KIF25: variants seen among roughly 807,000 people sequenced by gnomAD.
KIF25 encodes kinesin family member 25, also known as kinesin-like protein KIF25.
KIF25 carries 19 observed loss-of-function variants against 32.9 expected under a neutral mutation model. The ratio of observed to expected loss-of-function variants is 0.58; its 90% CI spans 0.40 to 0.85. The LOEUF (loss-of-function observed/expected upper bound fraction) is 0.85, where lower values mean the gene tolerates loss of function less well. KIF25 is among the 40% of genes least tolerant of loss of function. The pLI, the probability that KIF25 is intolerant of heterozygous loss-of-function variation, is 0.00. For missense variants in KIF25, 485 were observed against 507.0 expected (o/e 0.96, Z 0.42); for synonymous variants, 225 against 213.7 (o/e 1.05, Z -0.46).
At chr6:168,035,482 T>TGCGG (rs1562390567) in intron 8 of KIF25, among the ~76,000 whole-genome samples, 3 of 142,342 alleles carry the variant, frequency 2.1e-5, no homozygotes, top group Non-Finnish European at 4.6e-5. Context: ...GGAACGGTGC[T>TGCGG]GAGGTGGTGG....
intron 5 of KIF25, among the ~76,000 whole-genome samples, chr6:168,028,587 A>G (rs1317422676): frequency 2.5e-5 from 2 of 80,300 alleles, no homozygotes; most frequent in African/African-American, 8.7e-5. Flanking sequence ...TATTTTGCCA[A>G]AAAAAATTGT....
intron 4 of KIF25, among the ~76,000 whole-genome samples, chr6:168,013,550 G>T (rs1024494879): frequency 5.3e-5 from 8 of 152,114 alleles, no homozygotes; most frequent in African/African-American, 1.9e-4. Flanking sequence ...TGGCTGGGGG[G>T]TGAGCAGTGC....
intron 4 of KIF25, among the ~76,000 whole-genome samples, chr6:168,011,348 A>G (rs1031537090): frequency 6.6e-6 from 1 of 152,184 alleles, no homozygotes; most frequent in African/African-American, 2.4e-5. Flanking sequence ...TTCCACATGT[A>G]AGACACCCTT....
intron 4 of KIF25, among the ~76,000 whole-genome samples, chr6:168,012,912 G>A (rs762259365): frequency 6.6e-5 from 10 of 151,620 alleles, no homozygotes; most frequent in Non-Finnish European, 1.5e-4. Flanking sequence ...TGGCTGTTTC[G>A]TGGGTTTGGA....
intron 10 of KIF25, among the ~76,000 whole-genome samples, chr6:168,041,478 G>A (rs1382628284): frequency 5.9e-5 from 9 of 152,332 alleles, no homozygotes; most frequent in Admixed American, 2.0e-4. Context: ...AAAAAAAATT[G>A]TGTATACTTT....
At chr6:168,043,648 T>C (rs1301098787) in intron 12 of KIF25, among the ~76,000 whole-genome samples, 1 of 152,220 alleles carries the variant, frequency 6.6e-6, no homozygotes, top group Non-Finnish European at 1.5e-5. Context: ...ATTCCAAAGT[T>C]CGCAGCCCCA....
chr6:168,038,230 A>G (rs1161282396), intron 8 of KIF25, among the ~76,000 whole-genome samples: 1 of 152,214 alleles, frequency 6.6e-6, no homozygotes, highest in Non-Finnish European at 1.5e-5. Context: ...TCAATGGGGC[A>G]TGGTAATTTC....
At position 168,042,544 on chromosome 6, in the gene KIF25, G is replaced by T. The variant is rs199617561; in HGVS notation, c.830-17G>T. 1 of 1,607,478 alleles carries T rather than the reference G, an allele frequency of 6.2e-7. No individual in the cohort carries two copies. Among genetic ancestry groups the T allele is most frequent in the Non-Finnish European group, 8.5e-7 (1 of 1,176,154 alleles). Reference sequence around the variant, plus strand: ...TTCTTGGTGCAAACGGTGATGGTGCGTGGCGGTCCTGTCCAGGTGTGTCTG... The same window carrying T: ...TTCTTGGTGCAAACGGTGATGGTGCTTGGCGGTCCTGTCCAGGTGTGTCTG... On this transcript the variant is annotated splice_polypyrimidine_tract_variant and intron_variant, in intron 11 of 12. Coordinates refer to ENST00000643607, the MANE Select transcript of KIF25 (RefSeq NM_030615.4).
intron 2 of KIF25, among the ~76,000 whole-genome samples, chr6:168,002,152 G>A (rs2636350): frequency 9.8e-5 from 8 of 82,014 alleles, no homozygotes; most frequent in East Asian, 3.8e-4. Flanking sequence ...CACCTGAGGC[G>A]TGGCCTCGGG....
At chr6:168,016,733 A>C (rs1256202799) in intron 4 of KIF25, among the ~76,000 whole-genome samples, 1 of 152,242 alleles carries the variant, frequency 6.6e-6, no homozygotes, top group African/African-American at 2.4e-5. Context: ...CTACAGCAAC[A>C]ACATAAAGGA....
intron 12 of KIF25, among the ~76,000 whole-genome samples, chr6:168,042,938 T>A (rs1170237357): frequency 1.3e-5 from 2 of 152,172 alleles, no homozygotes; most frequent in Non-Finnish European, 2.9e-5. Flanking sequence ...GTGACTTGCC[T>A]CCTGGTTGGG....
intron 4 of KIF25, among the ~76,000 whole-genome samples, chr6:168,016,917 G>T (rs12198634): frequency 8.5e-5 from 13 of 152,300 alleles, no homozygotes. Flanking sequence ...CTGGCGTTCC[G>T]TCATTGCTTC....
chr6:168,035,516 C>T (rs1583143251), intron 8 of KIF25, among the ~76,000 whole-genome samples: 1 of 29,558 alleles, frequency 3.4e-5, no homozygotes, highest in African/African-American at 1.5e-4. Context: ...GCGGAGGAGG[C>T]GGGAACTGAG....
At chr6:168,014,005 A>ATC (rs1027780378) in intron 4 of KIF25, among the ~76,000 whole-genome samples, 2 of 151,336 alleles carry the variant, frequency 1.3e-5, no homozygotes, top group Non-Finnish European at 2.9e-5. Context: ...ATGCAAATAT[A>ATC]TATATATATA....
intron 8 of KIF25, chr6:168,035,716 C>T: frequency 4.4e-6 from 2 of 456,120 alleles, no homozygotes; most frequent in South Asian, 3.1e-5. Context: ...TGTTCTGAGT[C>T]TCGGGTGCTG....
At position 167,998,339 on chromosome 6, in the gene KIF25, G is replaced by T. The variant is rs1022923531; in HGVS notation, c.-1130G>T. ...GCCCATGGAGAATATGCAGGCAGAG[G>T]CTGATCCCAGCTTCTGTGGGTTCAT... is the stretch of plus-strand genomic sequence containing the variant. On this transcript the variant is annotated 5_prime_UTR_variant, in exon 1 of 13. Coordinates refer to ENST00000643607, the MANE Select transcript of KIF25 (RefSeq NM_030615.4). The T allele has an allele frequency of 6.6e-6, 1 of 152,210 alleles. No homozygotes were observed. Among genetic ancestry groups the T allele is most frequent in the African/African-American group, 2.4e-5 (1 of 41,450 alleles). The allele number at this position is 152,210 out of a possible 1,614,324, so 9.4% of individuals were successfully genotyped here. A position where few individuals can be genotyped will look rare whatever the true frequency, so the allele number is the denominator to read the frequency against.
intron 5 of KIF25, among the ~76,000 whole-genome samples, chr6:168,025,049 T>A (rs1040726544): frequency 2.6e-5 from 4 of 152,018 alleles, no homozygotes; most frequent in African/African-American, 9.7e-5. Flanking sequence ...AGATTCTGTC[T>A]TCAAAAAAAC....
At chr6:168,002,505 A>G (rs1037288368) in intron 2 of KIF25, 38 bp from the exon 3 acceptor site, 2 of 152,266 alleles carry the variant, frequency 1.3e-5, no homozygotes, top group Admixed American at 6.5e-5. Context: ...GTTTGTGTTC[A>G]TCGGCTTTTG....
At chr6:168,006,063 A>G (rs963383558) in intron 4 of KIF25, among the ~76,000 whole-genome samples, 1 of 152,226 alleles carries the variant, frequency 6.6e-6, no homozygotes, top group Non-Finnish European at 1.5e-5. Flanking sequence ...AGTGCTCTGC[A>G]TGAGCCTCCT....
Sources: allele counts gnomAD v4.1 joint callset (sites outside exome capture counted in the v4.1 genomes callset), GRCh38; gene constraint gnomAD v4.1.1; transcripts MANE v1.5; gene names NCBI Gene and HGNC (gene_info 2026-07-23, HGNC 2026-07-21).